Variants in CHRDL2 observed in about 807,000 individuals in gnomAD.
The protein encoded by CHRDL2 is chordin like 2.
A neutral mutation model predicts 54.3 loss-of-function variants in CHRDL2; 41 were observed. That is an observed-to-expected ratio of 0.76 (90% CI 0.59 to 0.98). The LOEUF (loss-of-function observed/expected upper bound fraction) is 0.98, where lower values mean the gene tolerates loss of function less well. Ranked by LOEUF, CHRDL2 falls within the 50% of genes least tolerant of loss-of-function variation. CHRDL2 has a pLI of 0.00. For synonymous variants in CHRDL2, 220 were observed against 224.3 expected (o/e 0.98, Z 0.17); for missense variants, 518 against 562.4 (o/e 0.92, Z 0.80).
intron 1 of CHRDL2, among the ~76,000 whole-genome samples, chr11:74,727,760 G>C (rs945607271): frequency 6.6e-6 from 1 of 151,964 alleles, no homozygotes; most frequent in Non-Finnish European, 1.5e-5. Flanking sequence ...TGGAGGGAGG[G>C]AAGAGAAAGC....
chr11:74,717,734 T>C (rs558895828), intron 2 of CHRDL2, among the ~76,000 whole-genome samples: 2 of 152,318 alleles, frequency 1.3e-5, no homozygotes, highest in African/African-American at 4.8e-5. Context: ...AGAGGCCTTC[T>C]GCATTCCTCT....
chr11:74,697,122 A>C (rs1360947997), intron 10 of CHRDL2, 83 bp downstream of exon 10: 6 of 1,075,138 alleles, frequency 5.6e-6, no homozygotes, highest in Non-Finnish European at 8.4e-6. Flanking sequence ...CGGCACCAGC[A>C]GCCTGGGAAC....
chr11:74,705,422 C>T (rs1405693014), intron 6 of CHRDL2, among the ~76,000 whole-genome samples: 2 of 152,212 alleles, frequency 1.3e-5, no homozygotes, highest in Non-Finnish European at 2.9e-5. Context: ...CCATTCCTGC[C>T]TGGTACAGTC....
chr11:74,718,297 A>G (rs888310718), intron 2 of CHRDL2, among the ~76,000 whole-genome samples: 1 of 152,194 alleles, frequency 6.6e-6, no homozygotes, highest in Non-Finnish European at 1.5e-5. Flanking sequence ...CTTGAGGAAC[A>G]AGTAGTTGGG....
chr11:74,701,682 A>G (rs1444464074), intron 9 of CHRDL2: 1 of 696,154 alleles, frequency 1.4e-6, no homozygotes, highest in African/African-American at 1.8e-5. Flanking sequence ...AACTCTCAGG[A>G]TCGTTGAGGA....
chr11:74,718,715 C>G lies in CHRDL2; in HGVS notation c.195+5G>C. 2 of 1,597,500 alleles carry G rather than the reference C, an allele frequency of 1.3e-6. No homozygotes were observed. The highest frequency in any genetic ancestry group is 1.7e-6 in the Non-Finnish European group (2 of 1,166,084). ...ACAGGTGGTCAGGTGGCCAGAGGAA[C>G]CTACCTCTGAGCAGGTACAGCGCAG... On this transcript the variant is annotated splice_donor_5th_base_variant and intron_variant, in intron 2 of 10. Transcript: ENST00000376332.
At chr11:74,708,430 T>A (rs1289743406) in intron 4 of CHRDL2, 35 bp from the exon 5 acceptor site, 1 of 1,468,322 alleles carries the variant, frequency 6.8e-7, no homozygotes, top group East Asian at 2.6e-5. Flanking sequence ...GGAAATGAGC[T>A]CTGATAAGGG....
At chr11:74,726,880 A>G (rs2034580627) in intron 1 of CHRDL2, among the ~76,000 whole-genome samples, 1 of 152,182 alleles carries the variant, frequency 6.6e-6, no homozygotes, top group South Asian at 2.1e-4. Flanking sequence ...GCACAGGTAG[A>G]TGGGGATGCG....
Position 74,713,496 on chromosome 11 carries a change from G to C in CHRDL2, c.196-17C>G. 6.2e-7 allele frequency: 1 copy of C among 1,604,820 alleles called. No homozygotes were observed. The highest frequency in any genetic ancestry group is 8.5e-7 in the Non-Finnish European group (1 of 1,172,114). The stretch of plus-strand genomic sequence containing the variant: ...ATGGGCGCCCTGAAGGGGACACAAG[G>C]GTCAGCCCTGGTTCAAAGAACCATC... On this transcript the variant is annotated splice_polypyrimidine_tract_variant and intron_variant, in intron 2 of 10. Coordinates refer to ENST00000376332, the MANE Select transcript of CHRDL2 (RefSeq NM_001278473.3).
At chr11:74,709,180 G>A in intron 4 of CHRDL2, among the ~76,000 whole-genome samples, 1 of 152,182 alleles carries the variant, frequency 6.6e-6, no homozygotes, top group Non-Finnish European at 1.5e-5. Flanking sequence ...AGAAGGGGAG[G>A]CCCAAGTACC....
At chr11:74,708,502 A>C in intron 4 of CHRDL2, 107 bp from the exon 5 acceptor site, 1 of 799,648 alleles carries the variant, frequency 1.3e-6, no homozygotes, top group Non-Finnish European at 1.9e-6. Context: ...GGTCTCTCCT[A>C]TGGTGGGGAG....
At chr11:74,712,663 C>T (rs977737379) in intron 3 of CHRDL2, among the ~76,000 whole-genome samples, 9 of 152,112 alleles carry the variant, frequency 5.9e-5, no homozygotes, top group African/African-American at 1.7e-4. Context: ...AGCCCCGACC[C>T]GAGGCCAAAA....
At chr11:74,706,601 C>A in intron 5 of CHRDL2, 59 bp from the exon 6 acceptor site, 1 of 1,532,046 alleles carries the variant, frequency 6.5e-7, no homozygotes, top group Non-Finnish European at 9.0e-7. Flanking sequence ...CTGGCTAGAG[C>A]CCTGAGGCCT....
At chr11:74,721,663 T>C (rs537015259) in intron 1 of CHRDL2, among the ~76,000 whole-genome samples, 1 of 152,404 alleles carries the variant, frequency 6.6e-6, no homozygotes, top group Non-Finnish European at 1.5e-5. Context: ...CCTCAGTTCC[T>C]GCAGTGCTGG....
chr11:74,703,203 C>G (rs544765346), intron 8 of CHRDL2, 102 bp downstream of exon 8: 2 of 1,372,668 alleles, frequency 1.5e-6, no homozygotes, highest in African/African-American at 2.9e-5. Flanking sequence ...CCGATGCATG[C>G]CCTTCCATGT....
chr11:74,710,052 T>C (rs2034135173), intron 4 of CHRDL2, among the ~76,000 whole-genome samples: 1 of 151,776 alleles, frequency 6.6e-6, no homozygotes, highest in Admixed American at 6.6e-5. Flanking sequence ...CCGACTCTAC[T>C]AAAAATACAA....
intron 2 of CHRDL2, among the ~76,000 whole-genome samples, chr11:74,716,295 G>T (rs1454604342): frequency 6.6e-6 from 1 of 152,130 alleles, no homozygotes; most frequent in East Asian, 1.9e-4. Flanking sequence ...CCAGCACTTT[G>T]GGAGGCCAAA....
At chr11:74,720,896 A>G (rs1379686519) in intron 1 of CHRDL2, among the ~76,000 whole-genome samples, 1 of 152,146 alleles carries the variant, frequency 6.6e-6, no homozygotes, top group Non-Finnish European at 1.5e-5. Context: ...CGGGTTCCTC[A>G]TATTGCTCCT....
chr11:74,696,531 G>A lies in CHRDL2; in HGVS notation c.1268C>T (p.Pro423Leu), dbSNP rs1012575186. ...QTLELKVTASPDKVTKT is the reference protein window; with the variant it reads ...QTLELKVTASLDKVTKT ...TTGTTATGTCTTGGTCACTTTGTCT[G>A]GACTGGCCGTGACCTTCAGCTCCAG... is the stretch of plus-strand genomic sequence containing the variant. The change falls in exon 11 of 11, where the codon CCA (proline) becomes CTA (leucine). Residue 423 changes from proline to leucine, a missense_variant. Pro to Leu is a moderately conservative substitution (Grantham distance 98). Coordinates refer to ENST00000376332, the MANE Select transcript of CHRDL2 (RefSeq NM_001278473.3). The A allele has an allele frequency of 8.1e-6, 13 of 1,613,930 alleles. No individual in the cohort carries two copies. The highest frequency in any genetic ancestry group is 1.1e-5 in the Non-Finnish European group (13 of 1,179,948).
Sources: gnomAD v4.1 joint callset for allele counts (sites outside exome capture counted in the v4.1 genomes callset) on GRCh38, gnomAD v4.1.1 for gene constraint, MANE v1.5 for transcripts, NCBI Gene and HGNC (gene_info 2026-07-23, HGNC 2026-07-21) for gene names.